Variants in CLRN3 observed in about 807,000 individuals in gnomAD.
The protein encoded by CLRN3 is clarin-3.
CLRN3 carries 12 observed loss-of-function variants against 16.7 expected under a neutral mutation model. That is an observed-to-expected ratio of 0.72 (90% CI 0.46 to 1.16). CLRN3 has a LOEUF of 1.16. Ranked by LOEUF, CLRN3 falls within the 50% of genes most tolerant of loss-of-function variation. CLRN3 has a pLI of 0.00. For synonymous variants in CLRN3, 118 were observed against 113.0 expected, an observed-to-expected ratio of 1.04 and a Z score of -0.28; for missense variants, 296 against 274.2, an observed-to-expected ratio of 1.08 and a Z score of -0.56.
intron 2 of CLRN3, among the ~76,000 whole-genome samples, chr10:127,881,950 G>A (rs565833437): frequency 7.2e-5 from 11 of 152,320 alleles, no homozygotes; most frequent in East Asian, 1.9e-4. Flanking sequence ...ACTGCTTCTC[G>A]TACTTTCTTA....
intron 1 of CLRN3, among the ~76,000 whole-genome samples, chr10:127,888,846 A>G (rs1845226416): frequency 6.6e-6 from 1 of 152,204 alleles, no homozygotes; most frequent in Non-Finnish European, 1.5e-5. Flanking sequence ...ATGCCTGTCA[A>G]TCTAGTGCCT....
At chr10:127,884,308 T>C (rs1450535795) in intron 1 of CLRN3, among the ~76,000 whole-genome samples, 2 of 152,190 alleles carry the variant, frequency 1.3e-5, no homozygotes, top group Non-Finnish European at 2.9e-5. Flanking sequence ...CCTGAAAACC[T>C]GTGCACTGTG....
chr10:127,889,619 GA>G (rs1845235956), intron 1 of CLRN3, among the ~76,000 whole-genome samples: 1 of 152,128 alleles, frequency 6.6e-6, no homozygotes, highest in Non-Finnish European at 1.5e-5. Flanking sequence ...CAGCCTGGGT[GA>G]TGAAAAAACA....
chr10:127,886,850 G>A (rs1845200858), intron 1 of CLRN3, among the ~76,000 whole-genome samples: 1 of 152,226 alleles, frequency 6.6e-6, no homozygotes, highest in Non-Finnish European at 1.5e-5. Context: ...ATAACCCATA[G>A]AGCGTGGTGA....
intron 1 of CLRN3, among the ~76,000 whole-genome samples, chr10:127,891,797 G>C (rs1845260352): frequency 6.6e-6 from 1 of 152,116 alleles, no homozygotes; most frequent in Non-Finnish European, 1.5e-5. Context: ...AATAATGCCT[G>C]TATAATACTT....
chr10:127,886,999 C>T (rs1845202755), intron 1 of CLRN3, among the ~76,000 whole-genome samples: 1 of 152,228 alleles, frequency 6.6e-6, no homozygotes, highest in Non-Finnish European at 1.5e-5. Context: ...GGGATGTGGC[C>T]ACCTGGGCTG....
chr10:127,878,433 T>C lies in CLRN3; in HGVS notation c.410-13A>G, dbSNP rs1392799192. ...AAAACGAAGGATGCTGAAAGGAAGA[T>C]GGAGTTTCATGCATGGCATGGTGAT... On this transcript the variant is annotated splice_polypyrimidine_tract_variant and intron_variant, in intron 2 of 2. Coordinates refer to ENST00000368671, the MANE Select transcript of CLRN3 (RefSeq NM_152311.5). 6 of 1,612,684 alleles carry C rather than the reference T, an allele frequency of 3.7e-6. No individual in the cohort carries two copies. Among genetic ancestry groups the C allele is most frequent in the Non-Finnish European group, 4.2e-6 (5 of 1,178,942 alleles).
intron 1 of CLRN3, among the ~76,000 whole-genome samples, chr10:127,886,412 G>A (rs1003904155): frequency 7.9e-5 from 12 of 152,206 alleles, no homozygotes; most frequent in African/African-American, 2.7e-4. Flanking sequence ...CAGCCTCAGG[G>A]GCTGCTGGCA....
Position 127,878,403 on chromosome 10 carries a change from T to A in CLRN3, c.427A>T (p.Thr143Ser). Reference sequence around the variant, plus strand: ...GTGTTCGCCACAAACAGTATCATGGTCACAAAAACGAAGGATGCTGAAAGG... The same window carrying A: ...GTGTTCGCCACAAACAGTATCATGGACACAAAAACGAAGGATGCTGAAAGG... ...NGLGASFVFV[T>S]MILFVANTQS... Residue 143 changes from threonine (T) to serine (S), a missense_variant, in exon 3 of 3, where the codon ACC becomes TCC. Coordinates refer to ENST00000368671, the MANE Select transcript of CLRN3 (RefSeq NM_152311.5). 2 of 1,613,686 alleles carry A rather than the reference T, an allele frequency of 1.2e-6. No individual in the cohort carries two copies. Among genetic ancestry groups the A allele is most frequent in the Non-Finnish European group, 1.7e-6 (2 of 1,179,606 alleles).
intron 1 of CLRN3, among the ~76,000 whole-genome samples, chr10:127,890,569 A>C (rs1010889282): frequency 6.6e-6 from 1 of 152,186 alleles, no homozygotes; most frequent in Admixed American, 6.5e-5. Context: ...CATGCTAGCC[A>C]AGAAGCTGAT....
At chr10:127,878,523 C>T in intron 2 of CLRN3, 103 bp from the exon 3 acceptor site, 1 of 1,469,570 alleles carries the variant, frequency 6.8e-7, no homozygotes, top group Non-Finnish European at 9.1e-7. Flanking sequence ...CATATCTACA[C>T]AGGAGTTTAC....
At position 127,878,304 on chromosome 10, in the gene CLRN3, T is replaced by C. The variant is rs1224554775; in HGVS notation, c.526A>G (p.Ser176Gly). ...ATGAGCCAGAACGAGTATCCGTAAC[T>C]GTGGGTCGTTCCTTTACTGGTGGTT... Reference protein sequence around the residue: ...PATTSKGTTHSYGYSFWLILL... With the variant: ...PATTSKGTTHGYGYSFWLILL... Residue 176 changes from serine to glycine, a missense_variant, in exon 3 of 3, where the codon AGT (serine) becomes GGT (glycine). Transcript: ENST00000368671. The C allele has an allele frequency of 8.1e-6, 13 of 1,614,216 alleles. No individual in the cohort carries two copies. The highest frequency in any genetic ancestry group is 1.1e-5 in the Non-Finnish European group (13 of 1,180,040).
At chr10:127,889,301 G>A (rs867194460) in intron 1 of CLRN3, among the ~76,000 whole-genome samples, 7 of 152,058 alleles carry the variant, frequency 4.6e-5, no homozygotes, top group African/African-American at 9.7e-5. Flanking sequence ...CAGACTGGGC[G>A]ACAAAGCAAG....
At chr10:127,885,367 C>T (rs946822461) in intron 1 of CLRN3, among the ~76,000 whole-genome samples, 1 of 152,158 alleles carries the variant, frequency 6.6e-6, no homozygotes, top group African/African-American at 2.4e-5. Flanking sequence ...GACTTAAACC[C>T]AGGGGTCCTA....
chr10:127,882,262 CAGAA>C (rs1396721900), intron 2 of CLRN3, among the ~76,000 whole-genome samples: 1 of 152,208 alleles, frequency 6.6e-6, no homozygotes, highest in African/African-American at 2.4e-5. Context: ...AATAAAAGCA[CAGAA>C]AGAAAGAGCC....
Position 127,892,826 on chromosome 10 carries a change from T to A in CLRN3, c.-42A>T. 1 of 1,166,314 alleles carries A rather than the reference T, an allele frequency of 8.6e-7. No homozygotes were observed. Among genetic ancestry groups the A allele is most frequent in the African/African-American group, 1.5e-5 (1 of 66,126 alleles). 72.2% of individuals were successfully genotyped at this position (1,166,314 alleles called of 1,614,324 possible). A position where few individuals can be genotyped will look rare whatever the true frequency, so the allele number is the denominator to read the frequency against. On this transcript the variant is annotated 5_prime_UTR_variant, in exon 1 of 3. Transcript: ENST00000368671. ...GTTCTCTAGGACAAAAAAAGGAATA[T>A]CTTCTTATAACACTTTTGAACCTTA...
intron 2 of CLRN3, among the ~76,000 whole-genome samples, chr10:127,883,052 C>T (rs976242612): frequency 7.9e-5 from 12 of 152,194 alleles, no homozygotes; most frequent in African/African-American, 2.9e-4. Flanking sequence ...ATCCTCCCAG[C>T]ACCACACCCA....
intron 1 of CLRN3, among the ~76,000 whole-genome samples, chr10:127,890,925 A>G (rs1194377147): frequency 1.3e-5 from 2 of 151,150 alleles, no homozygotes; most frequent in Non-Finnish European, 3.0e-5. Flanking sequence ...TTAGGTGTCA[A>G]CCAGAGTGAC....
At position 127,892,887 on chromosome 10, in the gene CLRN3, C is replaced by A; in HGVS notation, c.-103G>T. 1.5e-6 allele frequency: 1 copy of A among 682,032 alleles called. No individual in the cohort carries two copies. The highest frequency in any genetic ancestry group is 2.5e-5 in the Admixed American group (1 of 40,420). 42.2% of individuals were successfully genotyped at this position (682,032 alleles called of 1,614,324 possible). ...TCTGGTATTTAGAAATGGAGTCTAA[C>A]ACTTTATTGTCAAATATAAAATCTC... On this transcript the variant is annotated 5_prime_UTR_variant, in exon 1 of 3. Coordinates refer to ENST00000368671, the MANE Select transcript of CLRN3 (RefSeq NM_152311.5).
Sources: allele counts gnomAD v4.1 joint callset (sites outside exome capture counted in the v4.1 genomes callset), GRCh38; gene constraint gnomAD v4.1.1; transcripts MANE v1.5; gene names NCBI Gene and HGNC (gene_info 2026-07-23, HGNC 2026-07-21).